The following ALS2CL variants were observed in gnomAD, a reference collection of about 807,000 sequenced individuals.
ALS2CL encodes ALS2 C-terminal-like protein.
ALS2CL carries 112 observed loss-of-function variants against 127.9 expected under a neutral mutation model. The ratio of observed to expected loss-of-function variants is 0.88; its 90% CI spans 0.75 to 1.02. ALS2CL has a LOEUF of 1.02. Ranked by LOEUF, ALS2CL falls within the 50% of genes least tolerant of loss-of-function variation. The pLI is 0.00. For synonymous variants in ALS2CL, 519 were observed against 527.6 expected, an observed-to-expected ratio of 0.98 and a Z score of 0.22; for missense variants, 1,174 against 1,236.7, an observed-to-expected ratio of 0.95 and a Z score of 0.76.
At position 46,681,843 on chromosome 3, in the gene ALS2CL, C is replaced by T. The variant is rs561188723; in HGVS notation, c.1175+186G>A. Among the ~76,000 whole-genome samples the T allele has an allele frequency of 3.8e-4, 58 of 152,238 alleles. No homozygotes were observed. The highest frequency in any genetic ancestry group is 8.5e-4 in the Admixed American group (13 of 15,296). ...CTCCCTCTGTGACCTCGAGCTGAGACGGGCCCCCTATTCAGGCCCCCGGTT... is the reference window on the plus strand; with the variant it reads ...CTCCCTCTGTGACCTCGAGCTGAGATGGGCCCCCTATTCAGGCCCCCGGTT... On this transcript the variant is annotated intron_variant, in intron 11 of 25. Coordinates refer to ENST00000318962, the MANE Select transcript of ALS2CL (RefSeq NM_147129.5). The surrounding 1 kb of genome is among the most constrained non-coding windows in gnomAD (Gnocchi z 4.9).
At position 46,690,817 on chromosome 3, in the gene ALS2CL, C is replaced by A. The variant is rs1157845169; in HGVS notation, c.-25-1352G>T. On this transcript the variant is annotated intron_variant, in intron 1 of 25. Coordinates refer to ENST00000318962, the MANE Select transcript of ALS2CL (RefSeq NM_147129.5). ...GGGTGAGTGGGAAGGGGTCTCAGCC[C>A]TCCCCTCTCCACCCTGCCCCGAGAG... Among the ~76,000 whole-genome samples, 12 of 152,214 alleles carry A rather than the reference C, an allele frequency of 7.9e-5. No individual in the cohort carries two copies. In the East Asian group the frequency reaches 2.3e-3, roughly 29 times the overall value.
In ALS2CL at chr3:46,683,345, T is replaced by A; in HGVS notation, c.913-19A>T. The A allele has an allele frequency of 6.4e-7, 1 of 1,566,790 alleles. No homozygotes were observed. Among genetic ancestry groups the A allele is most frequent in the East Asian group, 2.4e-5 (1 of 42,170 alleles). On this transcript the variant is annotated intron_variant, in intron 9 of 25. Transcript: ENST00000318962. ...AGACTGCCTGGTGGGAGGGGGAACA[T>A]GGGGAAGGGGATCACTGCTGCTGGA...
At chr3:46,671,635 C>T in intron 24 of ALS2CL, 51 bp from the exon 25 acceptor site, 1 of 1,612,394 alleles carries the variant, frequency 6.2e-7, no homozygotes, top group Non-Finnish European at 8.5e-7. Flanking sequence ...GAGAAGAGGC[C>T]TGTCGCGGAC....
chr3:46,682,138 C>T (rs777909666), intron 10 of ALS2CL, 44 bp from the exon 11 acceptor site: 8 of 1,597,186 alleles, frequency 5.0e-6, no homozygotes, highest in Non-Finnish European at 6.8e-6. Flanking sequence ...CTACCCACCC[C>T]TCAGCAACCT....
At position 46,687,626 on chromosome 3, in the gene ALS2CL, T is replaced by C; in HGVS notation, c.361A>G (p.Arg121Gly). ...VVQAFQKAAK[R>G]RSEYWRGQRK... is the part of the protein sequence containing the mutation. The stretch of plus-strand genomic sequence containing the variant: ...CACCAGCCCTGTGCTCACCTTCTCC[T>C]CTTTGCTGCCTTCTGGAAGGCCTGC... Residue 121 changes from arginine to glycine, a missense_variant, in exon 4 of 26, where the codon AGG becomes GGG. Physicochemically the swap from Arg to Gly is moderately radical, Grantham distance 125. Transcript: ENST00000318962. 6.2e-7 allele frequency: 1 copy of C among 1,613,180 alleles called. No individual in the cohort carries two copies. The highest frequency in any genetic ancestry group is 8.5e-7 in the Non-Finnish European group (1 of 1,179,666).
chr3:46,693,048 G>A (rs778272060), intron 1 of ALS2CL, among the ~76,000 whole-genome samples: 11 of 152,120 alleles, frequency 7.2e-5, no homozygotes, highest in Non-Finnish European at 1.5e-5. Flanking sequence ...ACTGCCCCAG[G>A]GAGGGGGCGC....
At chr3:46,671,458 C>T (rs1559453704) in intron 25 of ALS2CL, 30 bp downstream of exon 25, 2 of 1,613,382 alleles carry the variant, frequency 1.2e-6, no homozygotes, top group Non-Finnish European at 1.7e-6. Context: ...CAGGGCATTT[C>T]CACCTCGGTC....
At chr3:46,678,794 A>T (rs1263126961) in intron 15 of ALS2CL, among the ~76,000 whole-genome samples, 1 of 152,218 alleles carries the variant, frequency 6.6e-6, no homozygotes, top group African/African-American at 2.4e-5. Flanking sequence ...TGCTCCAGTC[A>T]TTATGAAACC....
intron 1 of ALS2CL, among the ~76,000 whole-genome samples, chr3:46,692,014 C>T (rs1037856152): frequency 3.3e-5 from 5 of 152,154 alleles, no homozygotes; most frequent in Non-Finnish European, 7.3e-5. Flanking sequence ...CTCAAGTTGG[C>T]AACTGTTAAT....
Position 46,675,984 on chromosome 3 carries a change from G to C in ALS2CL, c.2186+261C>G. On this transcript the variant is annotated intron_variant, in intron 19 of 25. Transcript: ENST00000318962. ...TCCAGGGCCAAGCTCAGCCTACAGT[G>C]GGGTGAGAGTGCACCTGCGGTCAGA... 2.1e-6 allele frequency: 3 copies of C among 1,422,162 alleles called. 1 individual carries two copies. The highest frequency in any genetic ancestry group is 2.7e-6 in the Non-Finnish European group (3 of 1,092,520). 88.1% of individuals were successfully genotyped at this position (1,422,162 alleles called of 1,614,324 possible).
intron 19 of ALS2CL, 200 bp downstream of exon 19, chr3:46,676,045 C>T (rs1328287442): frequency 8.6e-6 from 12 of 1,388,358 alleles, no homozygotes; most frequent in African/African-American, 1.5e-5. Context: ...TGGACTCTAG[C>T]TGAGGGCTGC....
Position 46,683,114 on chromosome 3 carries a change from A to C in ALS2CL, c.1109+16T>G. 6.5e-7 allele frequency: 1 copy of C among 1,540,694 alleles called. No homozygotes were observed. Among genetic ancestry groups the C allele is most frequent in the Non-Finnish European group, 8.7e-7 (1 of 1,146,562 alleles). On this transcript the variant is annotated intron_variant, in intron 10 of 25. Transcript: ENST00000318962. ...CAGGGAGTCCCACCTTGCCACCCAG[A>C]GCTCCAGCCACTCACTTGCCGTGGG... is the stretch of plus-strand genomic sequence containing the variant.
rs1269003363 is a variant in ALS2CL at position 46,671,574 on chromosome 3, G to T, written c.2695C>A (p.Leu899Met). ...CGGATCAGGTGGATCTCGGCTCCCA[G>T]GTGCTGAATTCTGGAGAACACCGCC... is the stretch of plus-strand genomic sequence containing the variant. The part of the protein sequence containing the change: ...YVVSRARIQH[L>M]GAEIHLIRDM... The change falls in exon 25 of 26, where the codon CTG (leucine) becomes ATG (methionine). Residue 899 changes from leucine (L) to methionine (M), a missense_variant. Transcript: ENST00000318962. 1 of 1,613,814 alleles carries T rather than the reference G, an allele frequency of 6.2e-7. No individual in the cohort carries two copies. The highest frequency in any genetic ancestry group is 1.1e-5 in the South Asian group (1 of 91,036).
At chr3:46,675,510 T>C in intron 20 of ALS2CL, 108 bp downstream of exon 20, 3 of 1,037,606 alleles carry the variant, frequency 2.9e-6, no homozygotes, top group Non-Finnish European at 4.4e-6. Context: ...ATAGAGTGAA[T>C]GCCCAGCACT....
chr3:46,677,395 A>G (rs1698947001), intron 16 of ALS2CL: 2 of 1,067,792 alleles, frequency 1.9e-6, no homozygotes, highest in Non-Finnish European at 2.3e-6. Flanking sequence ...CCTCCCTTAC[A>G]GCTGGTTCCT....
intron 17 of ALS2CL, 23 bp from the exon 18 acceptor site, chr3:46,676,761 C>G (rs2106701700): frequency 6.2e-7 from 1 of 1,613,186 alleles, no homozygotes; most frequent in African/African-American, 1.3e-5. Flanking sequence ...CACAGCATCC[C>G]TCACCCACAC....
intron 10 of ALS2CL, 72 bp downstream of exon 10, chr3:46,683,058 C>T (rs9847395): frequency 0.43 from 609,458 of 1,410,646 alleles, 132,352 homozygotes; most frequent in African/African-American, 0.44. Flanking sequence ...GACAATTAGG[C>T]TTGTGTGCTG....
At chr3:46,675,446 C>T in intron 20 of ALS2CL, 172 bp downstream of exon 20, 1 of 637,818 alleles carries the variant, frequency 1.6e-6, no homozygotes, top group Non-Finnish European at 2.7e-6. Flanking sequence ...CCTCACAGAA[C>T]AGAGGTCATG....
rs113245918 is a variant in ALS2CL, at chr3:46,670,620, C to G, written c.*364G>C. On this transcript the variant is annotated 3_prime_UTR_variant, in exon 26 of 26. Transcript: ENST00000318962. This position sits in a 1 kb window ranked among gnomAD's most constrained non-coding sequence, Gnocchi z 5.5. ...AAAATGAATGGAAGGTCCTTTACAG[C>G]GTACTCACTCCACCATTGTACAGAT... The G allele has an allele frequency of 1.2e-3, 299 of 245,850 alleles. No homozygotes were observed. Among genetic ancestry groups the G allele is most frequent in the African/African-American group, 6.2e-3 (286 of 46,072 alleles). The allele number at this position is 245,850 out of a possible 1,614,324, so 15.2% of individuals were successfully genotyped here.
Sources: gnomAD v4.1 joint callset for allele counts (sites outside exome capture counted in the v4.1 genomes callset) on GRCh38, gnomAD v4.1.1 for gene constraint, Gnocchi (gnomAD v3.1) non-coding constraint, MANE v1.5 for transcripts, NCBI Gene and HGNC (gene_info 2026-07-23, HGNC 2026-07-21) for gene names.